The following PARD3B variants were observed in gnomAD, a reference collection of about 807,000 sequenced individuals.
PARD3B encodes par-3 family cell polarity regulator beta, also known as partitioning defective 3 homolog B.
PARD3B carries 103 observed loss-of-function variants against 130.2 expected under a neutral mutation model. That is an observed-to-expected ratio of 0.79 (90% confidence interval 0.67 to 0.93). The LOEUF is 0.93. Among genes scored for constraint, PARD3B ranks in the 40% least tolerant of loss-of-function variants. PARD3B has a pLI of 0.00. For missense variants in PARD3B, 1,609 were observed against 1,499.2 expected (o/e 1.07, Z -1.21); for synonymous variants, 583 against 553.2 (o/e 1.05, Z -0.76).
intron 2 of PARD3B, among the ~76,000 whole-genome samples, chr2:204,854,782 A>G (rs1334136345): frequency 4.6e-5 from 7 of 152,188 alleles, no homozygotes. Context: ...ACACTTCTGA[A>G]GCAGCTGTGT....
chr2:204,594,533 A>G (rs1439121889), intron 1 of PARD3B, among the ~76,000 whole-genome samples: 3 of 152,220 alleles, frequency 2.0e-5, no homozygotes, highest in Non-Finnish European at 2.9e-5. Context: ...TCAAACGTCT[A>G]GAAAACAGTG....
At chr2:204,972,453 T>G (rs778108452) in intron 3 of PARD3B, among the ~76,000 whole-genome samples, 7 of 152,210 alleles carry the variant, frequency 4.6e-5, no homozygotes, top group Non-Finnish European at 1.5e-5. Flanking sequence ...AGTTAACTTT[T>G]GTATTTTAGT....
At chr2:204,647,262 T>C (rs1338156054) in intron 1 of PARD3B, among the ~76,000 whole-genome samples, 2 of 151,968 alleles carry the variant, frequency 1.3e-5, no homozygotes, top group Non-Finnish European at 2.9e-5. Context: ...GTAAAGTATT[T>C]TGTTTGTCTT....
intron 2 of PARD3B, among the ~76,000 whole-genome samples, chr2:204,877,547 T>C (rs1419163669): frequency 6.6e-6 from 1 of 152,146 alleles, no homozygotes; most frequent in African/African-American, 2.4e-5. Context: ...CTGGAACCAA[T>C]GCCTATACTG....
At chr2:205,316,891 T>C (rs546086615) in intron 18 of PARD3B, among the ~76,000 whole-genome samples, 11 of 152,308 alleles carry the variant, frequency 7.2e-5, no homozygotes, top group African/African-American at 2.4e-4. Flanking sequence ...AATATGAAAC[T>C]AATCTTTTAT....
chr2:204,998,725 T>G (rs1276486446), intron 3 of PARD3B, among the ~76,000 whole-genome samples: 1 of 152,014 alleles, frequency 6.6e-6, no homozygotes, highest in African/African-American at 2.4e-5. Flanking sequence ...TATATTGTAT[T>G]GATTGAGTAA....
At chr2:204,603,656 A>G (rs1448773849) in intron 1 of PARD3B, among the ~76,000 whole-genome samples, 2 of 152,152 alleles carry the variant, frequency 1.3e-5, no homozygotes, top group Non-Finnish European at 2.9e-5. Context: ...CTTGATTTAA[A>G]AACTCCACTT....
At position 205,550,210 on chromosome 2, in the gene PARD3B, G is replaced by C. The variant is rs555112610; in HGVS notation, c.3181-3114G>C. On this transcript the variant is annotated intron_variant, in intron 21 of 22. Coordinates refer to ENST00000406610, the MANE Select transcript of PARD3B (RefSeq NM_001302769.2). This position sits in a 1 kb window ranked among gnomAD's most constrained non-coding sequence, Gnocchi z 4.5. ...CTCCTCCTCATCCATATTCAGGTTTGAGATGACGCTTCAACACCCGTATGA... is the reference window on the plus strand; with the variant it reads ...CTCCTCCTCATCCATATTCAGGTTTCAGATGACGCTTCAACACCCGTATGA... Among the ~76,000 whole-genome samples the C allele has an allele frequency of 1.2e-4, 18 of 152,184 alleles. No homozygotes were observed. Among genetic ancestry groups the C allele is most frequent in the Admixed American group, 5.9e-4 (9 of 15,280 alleles).
At chr2:205,100,549 C>T (rs764011264) in intron 4 of PARD3B, among the ~76,000 whole-genome samples, 1 of 151,354 alleles carries the variant, frequency 6.6e-6, no homozygotes, top group Non-Finnish European at 1.5e-5. Context: ...AAAATAAGAA[C>T]GAATTTGGAA....
chr2:205,209,629 A>G (rs960385844), intron 15 of PARD3B, among the ~76,000 whole-genome samples: 3 of 151,468 alleles, frequency 2.0e-5, no homozygotes, highest in Non-Finnish European at 4.4e-5. Context: ...TATGATATAA[A>G]TATAGGTTAA....
intron 22 of PARD3B, among the ~76,000 whole-genome samples, chr2:205,601,174 G>A (rs1285388961): frequency 6.6e-6 from 1 of 152,134 alleles, no homozygotes; most frequent in African/African-American, 2.4e-5. Flanking sequence ...GTTGTTTCTT[G>A]ACTTTTTAAT....
chr2:205,087,414 A>C (rs1167623242), intron 4 of PARD3B, among the ~76,000 whole-genome samples: 1 of 152,214 alleles, frequency 6.6e-6, no homozygotes, highest in Non-Finnish European at 1.5e-5. Flanking sequence ...AGTGGGTCAC[A>C]GGACTTGGCT....
At chr2:204,819,590 C>A in intron 2 of PARD3B, among the ~76,000 whole-genome samples, 1 of 152,114 alleles carries the variant, frequency 6.6e-6, no homozygotes, top group East Asian at 1.9e-4. Context: ...CACTTTAAAT[C>A]AAAAGCTAAA....
intron 22 of PARD3B, among the ~76,000 whole-genome samples, chr2:205,574,562 G>A (rs1442712723): frequency 1.3e-5 from 2 of 152,076 alleles, no homozygotes; most frequent in African/African-American, 4.8e-5. Flanking sequence ...GCTTGTTTGT[G>A]TCATTTCTAG....
At chr2:205,552,354 C>CA (rs781174326) in intron 21 of PARD3B, among the ~76,000 whole-genome samples, 4 of 152,096 alleles carry the variant, frequency 2.6e-5, no homozygotes, top group Non-Finnish European at 4.4e-5. Flanking sequence ...TGATTGTCAG[C>CA]AACCCTTGTT....
chr2:205,386,781 T>G (rs2045676138), intron 18 of PARD3B, among the ~76,000 whole-genome samples: 1 of 152,020 alleles, frequency 6.6e-6, no homozygotes, highest in Admixed American at 6.6e-5. Context: ...GGTCCCTGTT[T>G]GATCCCAGCT....
At chr2:205,519,812 A>G (rs1317828720) in intron 21 of PARD3B, among the ~76,000 whole-genome samples, 1 of 152,066 alleles carries the variant, frequency 6.6e-6, no homozygotes, top group Non-Finnish European at 1.5e-5. Flanking sequence ...TTTGAAGCTG[A>G]CTTCTTATCT....
At chr2:204,918,942 A>G (rs1461168201) in intron 2 of PARD3B, among the ~76,000 whole-genome samples, 1 of 151,270 alleles carries the variant, frequency 6.6e-6, no homozygotes, top group Non-Finnish European at 1.5e-5. Context: ...CCCAGTCTTC[A>G]TTTAAAACTA....
At chr2:204,552,025 G>A (rs1254499000) in intron 1 of PARD3B, among the ~76,000 whole-genome samples, 1 of 152,196 alleles carries the variant, frequency 6.6e-6, no homozygotes, top group Non-Finnish European at 1.5e-5. Flanking sequence ...TAGTGCAACT[G>A]AGGAACTGAA....
Sources: allele counts gnomAD v4.1 joint callset (sites outside exome capture counted in the v4.1 genomes callset), GRCh38; gene constraint gnomAD v4.1.1; non-coding constraint Gnocchi (gnomAD v3.1); transcripts MANE v1.5; gene names NCBI Gene and HGNC (gene_info 2026-07-23, HGNC 2026-07-21).